The following SLC22A3 variants were observed in gnomAD, a reference collection of about 807,000 sequenced individuals.
SLC22A3 encodes the protein EMT organic cation transporter 3.
In SLC22A3, 51 loss-of-function variants were observed where a neutral mutation model predicts 59.1. The ratio of observed to expected loss-of-function variants is 0.86; its 90% CI spans 0.69 to 1.09. The LOEUF is 1.09. Among genes scored for constraint, SLC22A3 ranks in the 50% least tolerant of loss-of-function variants. The probability of loss-of-function intolerance (pLI) is 0.00; values close to 1 mark genes in which losing one functional copy is unlikely to be tolerated. For missense variants in SLC22A3, 711 were observed against 726.3 expected (o/e 0.98, Z 0.24); for synonymous variants, 325 against 292.0 (o/e 1.11, Z -1.15).
At chr6:160,357,395 C>T (rs1338588904) in intron 1 of SLC22A3, among the ~76,000 whole-genome samples, 1 of 152,172 alleles carries the variant, frequency 6.6e-6, no homozygotes, top group African/African-American at 2.4e-5. Flanking sequence ...GACACTTCTG[C>T]CAACGGGAAG....
intron 5 of SLC22A3, among the ~76,000 whole-genome samples, chr6:160,422,318 T>C (rs1456659232): frequency 6.6e-6 from 1 of 152,198 alleles, no homozygotes; most frequent in Non-Finnish European, 1.5e-5. Context: ...TGTCATTCAA[T>C]CTCTTGAGGT....
At chr6:160,401,054 A>G (rs1022959299) in intron 2 of SLC22A3, among the ~76,000 whole-genome samples, 1 of 151,676 alleles carries the variant, frequency 6.6e-6, no homozygotes, top group Non-Finnish European at 1.5e-5. Context: ...CAGAATGTTC[A>G]ATAACTGTGG....
chr6:160,355,679 G>A (rs1250659932), intron 1 of SLC22A3, among the ~76,000 whole-genome samples: 1 of 150,616 alleles, frequency 6.6e-6, no homozygotes, highest in Non-Finnish European at 1.5e-5. Context: ...GGTTGAGGCA[G>A]GAGAATGGCG....
At chr6:160,411,813 A>C (rs999197376) in intron 5 of SLC22A3, among the ~76,000 whole-genome samples, 1 of 152,212 alleles carries the variant, frequency 6.6e-6, no homozygotes. Context: ...TTTGATATGC[A>C]CTTGAGGATA....
At chr6:160,408,105 T>C (rs909362591) in intron 3 of SLC22A3, among the ~76,000 whole-genome samples, 2 of 152,124 alleles carry the variant, frequency 1.3e-5, no homozygotes, top group Non-Finnish European at 2.9e-5. Context: ...AGTTGTGATC[T>C]GAGGGCAACA....
At chr6:160,434,714 G>T (rs1788273909) in intron 5 of SLC22A3, among the ~76,000 whole-genome samples, 1 of 152,074 alleles carries the variant, frequency 6.6e-6, no homozygotes, top group African/African-American at 2.4e-5. Flanking sequence ...TGTTTTTTGA[G>T]CAGCAAAGGT....
chr6:160,407,343 A>C (rs1787059886), intron 3 of SLC22A3, 148 bp downstream of exon 3: 1 of 820,130 alleles, frequency 1.2e-6, no homozygotes, highest in Admixed American at 3.1e-5. Flanking sequence ...CAGATGGGAG[A>C]GCTCAGAGGT....
At chr6:160,397,216 T>A (rs945666989) in intron 1 of SLC22A3, among the ~76,000 whole-genome samples, 1 of 152,142 alleles carries the variant, frequency 6.6e-6, no homozygotes, top group Admixed American at 6.5e-5. Flanking sequence ...TAGATTCTCA[T>A]AAGAAGTGCG....
chr6:160,351,246 G>C (rs1213370711), intron 1 of SLC22A3, among the ~76,000 whole-genome samples: 1 of 152,120 alleles, frequency 6.6e-6, no homozygotes, highest in East Asian at 1.9e-4. Context: ...CTCCCGAATA[G>C]CTGGGACTAC....
intron 5 of SLC22A3, among the ~76,000 whole-genome samples, chr6:160,417,122 G>A (rs1382692992): frequency 1.4e-4 from 21 of 152,204 alleles, no homozygotes; most frequent in Admixed American, 1.3e-3. Context: ...TCTCTCTGTA[G>A]GCAATATACT....
Position 160,409,028 on chromosome 6 carries a change from T to C in SLC22A3, c.857+107T>C, listed in dbSNP as rs1053750821. 4.9e-4 allele frequency: 489 copies of C among 999,912 alleles called. 6 individuals carry two copies. The highest frequency in any genetic ancestry group is 1.7e-3 in the Admixed American group (62 of 37,318). The allele number at this position is 999,912 out of a possible 1,614,324, so 61.9% of individuals were successfully genotyped here. A position where few individuals can be genotyped will look rare whatever the true frequency, so the allele number is the denominator to read the frequency against. ...AAAGAAAATTTTCTTTTTTTTTTTT[T>C]TTTTTATTATACTCTAAGTTTTAGG... On this transcript the variant is annotated intron_variant, in intron 4 of 10. Transcript: ENST00000275300.
chr6:160,423,929 T>C (rs963107268), intron 5 of SLC22A3, among the ~76,000 whole-genome samples: 6 of 152,252 alleles, frequency 3.9e-5, no homozygotes, highest in Admixed American at 6.5e-5. Flanking sequence ...TGCCTAGGTT[T>C]TCTTCCAGGG....
chr6:160,385,189 G>A (rs1785953683), intron 1 of SLC22A3, among the ~76,000 whole-genome samples: 1 of 152,100 alleles, frequency 6.6e-6, no homozygotes, highest in African/African-American at 2.4e-5. Flanking sequence ...CTTGTTTCTT[G>A]TGTACTGTTG....
At chr6:160,434,473 T>C (rs1316871362) in intron 5 of SLC22A3, among the ~76,000 whole-genome samples, 1 of 152,208 alleles carries the variant, frequency 6.6e-6, no homozygotes, top group Non-Finnish European at 1.5e-5. Context: ...TCCTTATTTA[T>C]AGAATAAGAT....
intron 5 of SLC22A3, among the ~76,000 whole-genome samples, chr6:160,432,619 G>A (rs1262269796): frequency 6.6e-6 from 1 of 151,940 alleles, no homozygotes; most frequent in East Asian, 1.9e-4. Flanking sequence ...GTAGAGACGG[G>A]GTTTCACCAT....
At chr6:160,381,935 T>C (rs983341186) in intron 1 of SLC22A3, among the ~76,000 whole-genome samples, 2 of 152,302 alleles carry the variant, frequency 1.3e-5, no homozygotes, top group Non-Finnish European at 2.9e-5. Flanking sequence ...AAAGGACATA[T>C]GTATAATGGT....
At chr6:160,366,032 G>T (rs1354311680) in intron 1 of SLC22A3, among the ~76,000 whole-genome samples, 1 of 152,014 alleles carries the variant, frequency 6.6e-6, no homozygotes, top group African/African-American at 2.4e-5. Flanking sequence ...TGACACATGG[G>T]GATTATGAGA....
At chr6:160,446,542 T>C (rs1800125221) in intron 9 of SLC22A3, among the ~76,000 whole-genome samples, 3 of 152,058 alleles carry the variant, frequency 2.0e-5, no homozygotes, top group Admixed American at 1.3e-4. Flanking sequence ...CCATCAGATC[T>C]CATGGGAACT....
intron 5 of SLC22A3, among the ~76,000 whole-genome samples, chr6:160,416,133 G>A (rs1422209150): frequency 6.6e-6 from 1 of 152,196 alleles, no homozygotes; most frequent in Admixed American, 6.5e-5. Flanking sequence ...GCTTCCATTT[G>A]CCAAGGTTTC....
Sources: allele counts gnomAD v4.1 joint callset (sites outside exome capture counted in the v4.1 genomes callset), GRCh38; gene constraint gnomAD v4.1.1; transcripts MANE v1.5; gene names NCBI Gene and HGNC (gene_info 2026-07-23, HGNC 2026-07-21).